SENP6: variants seen among roughly 807,000 people sequenced by gnomAD.
The protein encoded by SENP6 is SUMO specific peptidase 6.
In SENP6, 41 loss-of-function variants were observed where a neutral mutation model predicts 134.5. The observed-to-expected ratio is 0.30, with a 90% CI of 0.24 to 0.40. The LOEUF (loss-of-function observed/expected upper bound fraction) is 0.40, where lower values mean the gene tolerates loss of function less well. Among genes scored for constraint, SENP6 ranks in the 10% least tolerant of loss-of-function variants. The pLI is 1.00. For synonymous variants in SENP6, 395 were observed against 429.8 expected (o/e 0.92, Z 1.00); for missense variants, 1,248 against 1,312.5 (o/e 0.95, Z 0.76).
chr6:75,646,441 A>G (rs986622550), intron 6 of SENP6: 1 of 152,186 alleles, frequency 6.6e-6, no homozygotes, highest in African/African-American at 2.4e-5. Flanking sequence ...TTTCATGTAT[A>G]AAGTATTAAT....
intron 19 of SENP6, among the ~76,000 whole-genome samples, chr6:75,707,116 G>C (rs1271984680): frequency 6.6e-6 from 1 of 152,080 alleles, no homozygotes; most frequent in Non-Finnish European, 1.5e-5. Context: ...TCCTGTTTTT[G>C]AAAGGCATTT....
rs2149865092 is a variant in SENP6, at chr6:75,663,384, T to C, written c.860T>C (p.Ile287Thr). Residue 287 changes from isoleucine to threonine, a missense_variant, in exon 9 of 24, where the codon ATT becomes ACT. This residue lies in a region of SENP6 where 733 missense variants were observed against 725.4 expected (regional missense o/e 1.01). Coordinates refer to ENST00000447266, the MANE Select transcript of SENP6 (RefSeq NM_015571.4). Reference sequence around the variant, plus strand: ...AATGTGGAAAAGGTTCCAATTGATATTATTGTGAATTGTGATGACAGTAAA... The same window carrying C: ...AATGTGGAAAAGGTTCCAATTGATACTATTGTGAATTGTGATGACAGTAAA... The part of the protein sequence containing the change: ...GNNVEKVPID[I>T]IVNCDDSKHT... 7.4e-6 allele frequency: 12 copies of C among 1,613,802 alleles called. No homozygotes were observed. Among genetic ancestry groups the C allele is most frequent in the Non-Finnish European group, 1.0e-5 (12 of 1,179,846 alleles).
intron 14 of SENP6, 150 bp from the exon 15 acceptor site, chr6:75,678,433 C>A (rs1773239482): frequency 1.8e-6 from 1 of 551,980 alleles, no homozygotes; most frequent in African/African-American, 2.0e-5. Context: ...TTGCCTGTTT[C>A]TTGTTTTTAA....
intron 16 of SENP6, among the ~76,000 whole-genome samples, chr6:75,682,693 A>G (rs1009823969): frequency 1.3e-5 from 2 of 152,104 alleles, no homozygotes; most frequent in Admixed American, 6.5e-5. Context: ...GCTGAGAATG[A>G]TAGTTTCCAG....
At chr6:75,663,893 C>T (rs1210007079) in intron 9 of SENP6, among the ~76,000 whole-genome samples, 1 of 150,684 alleles carries the variant, frequency 6.6e-6, no homozygotes, top group African/African-American at 2.5e-5. Context: ...AATATCCTTA[C>T]CACATTTGTT....
At chr6:75,657,568 T>C (rs1771441165) in intron 7 of SENP6, among the ~76,000 whole-genome samples, 1 of 152,252 alleles carries the variant, frequency 6.6e-6, no homozygotes, top group African/African-American at 2.4e-5. Context: ...ATTTCATTTT[T>C]TTATGTGTCA....
intron 21 of SENP6, among the ~76,000 whole-genome samples, chr6:75,713,010 G>A (rs1488827733): frequency 6.6e-6 from 1 of 152,124 alleles, no homozygotes; most frequent in Non-Finnish European, 1.5e-5. Flanking sequence ...AGGAGGCTGA[G>A]TTGGGAGGAT....
intron 3 of SENP6, among the ~76,000 whole-genome samples, chr6:75,626,371 C>G (rs1768695112): frequency 6.6e-6 from 1 of 151,842 alleles, no homozygotes; most frequent in Non-Finnish European, 1.5e-5. Context: ...GCATATACCA[C>G]TTTTCTTGGA....
rs1582926670 is a variant in SENP6 at position 75,717,522 on chromosome 6, C to A, written c.*1928C>A. ...CAGCTATTTGATGGCATTTTTCCCA[C>A]CCCATGTGAAATTTTATTTTTGGAA... On this transcript the variant is annotated 3_prime_UTR_variant, in exon 24 of 24. Coordinates refer to ENST00000447266, the MANE Select transcript of SENP6 (RefSeq NM_015571.4). 6.6e-6 allele frequency: 1 copy of A among 152,024 alleles called. No homozygotes were observed. The highest frequency in any genetic ancestry group is 1.9e-4 in the East Asian group (1 of 5,204). The allele number at this position is 152,024 out of a possible 1,614,324, so 9.4% of individuals were successfully genotyped here.
chr6:75,657,123 A>T (rs761291722), intron 7 of SENP6, among the ~76,000 whole-genome samples: 2 of 152,240 alleles, frequency 1.3e-5, no homozygotes, highest in Non-Finnish European at 2.9e-5. Context: ...AAGTATGTTT[A>T]TAAGGAAAAA....
intron 7 of SENP6, among the ~76,000 whole-genome samples, chr6:75,658,721 G>A (rs775058): frequency 0.92 from 139,807 of 151,942 alleles, 64,912 homozygotes; most frequent in South Asian, 0.99. Context: ...TTTGAATTCA[G>A]ATTTTTCTCA....
chr6:75,670,851 ATTGCT>A (rs1279350822), intron 11 of SENP6, 131 bp downstream of exon 11: 23 of 368,062 alleles, frequency 6.2e-5, no homozygotes, highest in African/African-American at 8.6e-5. Flanking sequence ...AAGATTTCAC[ATTGCT>A]TTAAGAGTAT....
At chr6:75,610,524 C>T (rs1450226955) in intron 1 of SENP6, among the ~76,000 whole-genome samples, 5 of 152,280 alleles carry the variant, frequency 3.3e-5, no homozygotes, top group African/African-American at 1.2e-4. Flanking sequence ...ACACTAAAAA[C>T]AGGGTTGTTT....
At chr6:75,650,597 A>G (rs1770790659) in intron 7 of SENP6, among the ~76,000 whole-genome samples, 1 of 152,214 alleles carries the variant, frequency 6.6e-6, no homozygotes, top group South Asian at 2.1e-4. Flanking sequence ...CTGTGGACTC[A>G]TTATTAATAA....
At chr6:75,636,631 C>T (rs1403132082) in intron 5 of SENP6, among the ~76,000 whole-genome samples, 1 of 151,990 alleles carries the variant, frequency 6.6e-6, no homozygotes, top group Non-Finnish European at 1.5e-5. Context: ...ATACAAAATA[C>T]GTGTAGTAAA....
intron 1 of SENP6, 36 bp downstream of exon 1, chr6:75,602,612 G>C: frequency 1.9e-6 from 3 of 1,545,622 alleles, no homozygotes; most frequent in Non-Finnish European, 2.6e-6. Flanking sequence ...GGAGAAGGGA[G>C]GGTATACTGG....
intron 5 of SENP6, 103 bp from the exon 6 acceptor site, chr6:75,640,581 C>G (rs1769950797): frequency 1.0e-5 from 5 of 493,770 alleles, no homozygotes; most frequent in Non-Finnish European, 1.7e-5. Context: ...ACAAGTTGAT[C>G]ACAGTATAAT....
chr6:75,705,925 CTTTTT>C (rs71544062), intron 19 of SENP6, among the ~76,000 whole-genome samples: 2 of 47,942 alleles, frequency 4.2e-5, no homozygotes, highest in Non-Finnish European at 3.5e-5. Flanking sequence ...ATTTTTGAGC[CTTTTT>C]TTTTTTTTTT....
At chr6:75,661,906 G>A (rs773644391) in intron 8 of SENP6, among the ~76,000 whole-genome samples, 9 of 152,124 alleles carry the variant, frequency 5.9e-5, no homozygotes, top group Non-Finnish European at 1.3e-4. Flanking sequence ...ACAAAAATTA[G>A]CTGAGCATGG....
Sources: allele counts gnomAD v4.1 joint callset (sites outside exome capture counted in the v4.1 genomes callset), GRCh38; gene constraint gnomAD v4.1.1; regional missense constraint gnomAD v4.1.1; transcripts MANE v1.5; gene names NCBI Gene and HGNC (gene_info 2026-07-23, HGNC 2026-07-21).